Variants in PPFIA2 observed in about 807,000 individuals in gnomAD.
PPFIA2 encodes the protein liprin-alpha-2.
In PPFIA2, 46 loss-of-function variants were observed where a neutral mutation model predicts 175.5. The ratio of observed to expected loss-of-function variants is 0.26; its 90% confidence interval spans 0.21 to 0.34. PPFIA2 has a LOEUF of 0.34. Ranked by LOEUF, PPFIA2 falls within the 10% of genes least tolerant of loss-of-function variation. The probability of loss-of-function intolerance (pLI) is 1.00; values close to 1 mark genes in which losing one functional copy is unlikely to be tolerated. For missense variants in PPFIA2, 1,179 were observed against 1,506.1 expected, an observed-to-expected ratio of 0.78 and a Z score of 3.60; for synonymous variants, 568 against 511.4, an observed-to-expected ratio of 1.11 and a Z score of -1.49.
intron 7 of PPFIA2, among the ~76,000 whole-genome samples, chr12:81,435,803 G>GA (rs1391102356): frequency 6.6e-6 from 1 of 151,814 alleles, no homozygotes; most frequent in African/African-American, 2.4e-5. Flanking sequence ...AATTAATTCA[G>GA]AAAAAAATGT....
At chr12:81,577,908 G>T (rs1365053800) in intron 4 of PPFIA2, among the ~76,000 whole-genome samples, 3 of 151,700 alleles carry the variant, frequency 2.0e-5, no homozygotes, top group African/African-American at 7.3e-5. Context: ...CAGGATTTGG[G>T]GATGGCTTAG....
At chr12:81,369,546 CAT>C (rs2034527795) in intron 11 of PPFIA2, 2 of 704,090 alleles carry the variant, frequency 2.8e-6, no homozygotes, top group South Asian at 3.2e-5. Flanking sequence ...ATAAAAGTAA[CAT>C]AATTTTTATA....
At chr12:81,516,202 G>A (rs938228486) in intron 4 of PPFIA2, among the ~76,000 whole-genome samples, 4 of 151,996 alleles carry the variant, frequency 2.6e-5, no homozygotes, top group Non-Finnish European at 4.4e-5. Context: ...AGTTGGCCAA[G>A]TTATTGTAAC....
chr12:81,595,085 A>G (rs2059100568), intron 4 of PPFIA2, among the ~76,000 whole-genome samples: 1 of 151,944 alleles, frequency 6.6e-6, no homozygotes, highest in South Asian at 2.1e-4. Context: ...ATCTGGGAGG[A>G]GGAACACATT....
At chr12:81,448,662 G>T (rs987353817) in intron 5 of PPFIA2, among the ~76,000 whole-genome samples, 1 of 152,012 alleles carries the variant, frequency 6.6e-6, no homozygotes, top group East Asian at 1.9e-4. Flanking sequence ...GTTTAGTTTT[G>T]TTAGTTTTGC....
chr12:81,670,901 C>T (rs2071273751), intron 4 of PPFIA2, among the ~76,000 whole-genome samples: 1 of 151,908 alleles, frequency 6.6e-6, no homozygotes, highest in South Asian at 2.1e-4. Flanking sequence ...CACATTCTTC[C>T]TCTGACCTTT....
chr12:81,671,253 A>T (rs1175972195), intron 4 of PPFIA2, among the ~76,000 whole-genome samples: 4 of 151,918 alleles, frequency 2.6e-5, no homozygotes, highest in African/African-American at 9.7e-5. Flanking sequence ...AATAGGCCTC[A>T]GTCTGCTTCC....
intron 4 of PPFIA2, among the ~76,000 whole-genome samples, chr12:81,475,217 C>T (rs1345253468): frequency 1.3e-5 from 2 of 152,118 alleles, no homozygotes; most frequent in Non-Finnish European, 2.9e-5. Context: ...TTGCCAGCTC[C>T]TTACATAGGG....
At chr12:81,487,034 A>T (rs915868030) in intron 4 of PPFIA2, among the ~76,000 whole-genome samples, 1 of 151,944 alleles carries the variant, frequency 6.6e-6, no homozygotes, top group Non-Finnish European at 1.5e-5. Flanking sequence ...ATTTTGCAAA[A>T]CACGGTGTGA....
chr12:81,299,214 A>G, intron 23 of PPFIA2, 87 bp downstream of exon 23: 2 of 1,469,380 alleles, frequency 1.4e-6, no homozygotes, highest in Non-Finnish European at 1.8e-6. Context: ...GGATGCTGTG[A>G]TTTCAGAAAC....
At chr12:81,744,005 G>A (rs2082695736) in intron 3 of PPFIA2, among the ~76,000 whole-genome samples, 1 of 152,058 alleles carries the variant, frequency 6.6e-6, no homozygotes, top group Non-Finnish European at 1.5e-5. Context: ...TTTAAAATTA[G>A]CAAAATAATA....
In PPFIA2 at chr12:81,640,300, G is replaced by A. The variant is rs116091431; in HGVS notation, c.303+36491C>T. ...AACACAGAAAGCAGGAGATACAAAA[G>A]AAGTCTGTAGAGGAATAAGATTCTA... On this transcript the variant is annotated intron_variant, in intron 4 of 32. Transcript: ENST00000549396. Among the ~76,000 whole-genome samples, 178 of 152,224 alleles carry A rather than the reference G, an allele frequency of 1.2e-3. 2 individuals carry two copies. The highest frequency in any genetic ancestry group is 4.2e-3 in the African/African-American group (173 of 41,538).
At chr12:81,283,825 A>T (rs868758757) in intron 25 of PPFIA2, among the ~76,000 whole-genome samples, 2 of 152,078 alleles carry the variant, frequency 1.3e-5, no homozygotes, top group Admixed American at 6.6e-5. Context: ...TCAAGCTTGT[A>T]TCTAAGATGG....
At chr12:81,695,210 G>A (rs2075758812) in intron 3 of PPFIA2, among the ~76,000 whole-genome samples, 1 of 152,126 alleles carries the variant, frequency 6.6e-6, no homozygotes, top group Non-Finnish European at 1.5e-5. Flanking sequence ...AAGGACATGA[G>A]ATTTGGGAGG....
chr12:81,461,434 C>T (rs905585510), intron 4 of PPFIA2, among the ~76,000 whole-genome samples: 1 of 152,066 alleles, frequency 6.6e-6, no homozygotes, highest in Non-Finnish European at 1.5e-5. Context: ...AACTATCCAG[C>T]CATTCATACA....
chr12:81,442,848 CATATATAT>C (rs35192542), intron 6 of PPFIA2, among the ~76,000 whole-genome samples: 215 of 14,054 alleles, frequency 0.015, 1 homozygote, highest in Middle Eastern at 0.062. Context: ...TTTCTGACTT[CATATATAT>C]ATATATATAT....
chr12:81,457,630 A>AAGCAGAT, intron 5 of PPFIA2, 135 bp downstream of exon 5: 1 of 516,850 alleles, frequency 1.9e-6, no homozygotes, highest in Non-Finnish European at 3.3e-6. Flanking sequence ...CCTTTACTTT[A>AAGCAGAT]AGTAACTGAG....
chr12:81,670,654 T>G (rs567981924), intron 4 of PPFIA2, among the ~76,000 whole-genome samples: 1 of 151,938 alleles, frequency 6.6e-6, no homozygotes, highest in African/African-American at 2.4e-5. Context: ...CAGTTGTTAG[T>G]CTTCCATTTA....
chr12:81,525,359 C>A (rs2063615154), intron 4 of PPFIA2, among the ~76,000 whole-genome samples: 2 of 151,998 alleles, frequency 1.3e-5, no homozygotes, highest in African/African-American at 4.8e-5. Flanking sequence ...TTGGGTTAAT[C>A]AAAAGGAATA....
Sources: gnomAD v4.1 joint callset for allele counts (sites outside exome capture counted in the v4.1 genomes callset) on GRCh38, gnomAD v4.1.1 for gene constraint, MANE v1.5 for transcripts, NCBI Gene and HGNC (gene_info 2026-07-23, HGNC 2026-07-21) for gene names.